The following HNRNPM variants were observed in gnomAD, a reference collection of about 807,000 sequenced individuals.
HNRNPM encodes the protein heterogeneous nuclear ribonucleoprotein M, also known as CEA receptor.
Under a neutral mutation model 73.1 loss-of-function variants are expected in HNRNPM, and 11 were observed. The ratio of observed to expected loss-of-function variants is 0.15; its 90% CI spans 0.09 to 0.25. The LOEUF (loss-of-function observed/expected upper bound fraction) is 0.25, where lower values mean the gene tolerates loss of function less well. Among genes scored for constraint, HNRNPM ranks in the 10% least tolerant of loss-of-function variants. The pLI is 1.00. For synonymous variants in HNRNPM, 407 were observed against 355.2 expected (o/e 1.15, Z -1.64); for missense variants, 789 against 1,067.9 (o/e 0.74, Z 3.64).
rs369412246 is a variant in HNRNPM, at chr19:8,473,016, T to C, written c.998-648T>C. On this transcript the variant is annotated intron_variant, in intron 10 of 15. Transcript: ENST00000325495. ...ACTTGAGGCCTGGTGTGGTGGCTTA[T>C]GCCTGTAATCCCAGCAATTTGGAGG... 6.6e-5 allele frequency among the ~76,000 whole-genome samples: 10 copies of C among 152,286 alleles called. 3 individuals are homozygous for C. Among genetic ancestry groups the C allele is most frequent in the African/African-American group, 2.4e-5 (1 of 41,558 alleles).
At chr19:8,467,613 A>C (rs772675491) in intron 8 of HNRNPM, 29 bp downstream of exon 8, 50 of 1,522,276 alleles carry the variant, frequency 3.3e-5, no homozygotes, top group Non-Finnish European at 3.1e-5. Context: ...TCTCTGTGAT[A>C]TACTCAAGTC....
intron 9 of HNRNPM, among the ~76,000 whole-genome samples, chr19:8,470,055 T>C (rs746246326): frequency 6.6e-6 from 1 of 152,344 alleles, no homozygotes; most frequent in Non-Finnish European, 1.5e-5. Flanking sequence ...CCCTGGACCA[T>C]GGCGATGGCT....
At chr19:8,449,484 A>G (rs768369355) in intron 1 of HNRNPM, among the ~76,000 whole-genome samples, 26 of 152,154 alleles carry the variant, frequency 1.7e-4, no homozygotes, top group Admixed American at 1.2e-3. Context: ...ACCCTTCTCA[A>G]TAAAATTATT....
intron 1 of HNRNPM, among the ~76,000 whole-genome samples, chr19:8,446,968 T>G (rs548322364): frequency 1.8e-4 from 27 of 152,292 alleles, no homozygotes; most frequent in African/African-American, 6.5e-4. Context: ...TGGAGGGCTT[T>G]AAGATAAATT....
chr19:8,463,847 C>A (rs954387895), intron 5 of HNRNPM, 161 bp downstream of exon 5: 15 of 591,452 alleles, frequency 2.5e-5, no homozygotes, highest in Non-Finnish European at 4.5e-5. Flanking sequence ...AGCAGCCATT[C>A]CCTGCAAGGA....
At position 8,465,342 on chromosome 19, in the gene HNRNPM, G is replaced by T. The variant is rs775785053; in HGVS notation, c.457G>T (p.Ala153Ser). Residue 153 changes from alanine to serine, a missense_variant, in exon 6 of 16, where the codon GCC (alanine) becomes TCC (serine). Ala to Ser is a moderately conservative substitution (Grantham distance 99, BLOSUM62 1). This residue lies in a region of HNRNPM where 63 missense variants were observed against 147.4 expected (regional missense o/e 0.43). Transcript: ENST00000325495. ...GTTTTAGGATCCTGATGGTGAACATGCCAGGAGAGCAATGCAAAAGGTGAT... is the reference window on the plus strand; with the variant it reads ...GTTTTAGGATCCTGATGGTGAACATTCCAGGAGAGCAATGCAAAAGGTGAT... ...KVKEDPDGEH[A>S]RRAMQKVMAT... 1 of 1,609,666 alleles carries T rather than the reference G, an allele frequency of 6.2e-7. No individual in the cohort carries two copies. The highest frequency in any genetic ancestry group is 8.5e-7 in the Non-Finnish European group (1 of 1,178,328).
At chr19:8,452,955 C>T (rs1261306921) in intron 1 of HNRNPM, among the ~76,000 whole-genome samples, 1 of 152,066 alleles carries the variant, frequency 6.6e-6, no homozygotes, top group East Asian at 1.9e-4. Context: ...ATCCTCTCAG[C>T]TCAGCCTCCT....
intron 14 of HNRNPM, 29 bp downstream of exon 14, chr19:8,486,434 G>T (rs368317306): frequency 2.6e-6 from 4 of 1,530,598 alleles, no homozygotes; most frequent in African/African-American, 2.8e-5. Flanking sequence ...ACTTCTTGGT[G>T]GTGGTGAGCA....
At chr19:8,479,226 C>T (rs907131832) in intron 12 of HNRNPM, among the ~76,000 whole-genome samples, 4 of 151,512 alleles carry the variant, frequency 2.6e-5, no homozygotes, top group African/African-American at 9.7e-5. Context: ...GCTGGCACTG[C>T]CGCCACCACA....
intron 1 of HNRNPM, among the ~76,000 whole-genome samples, chr19:8,447,025 A>ATAGGGAAAATT (rs1968237877): frequency 6.6e-6 from 1 of 152,182 alleles, no homozygotes; most frequent in African/African-American, 2.4e-5. Flanking sequence ...TTGCTAGATG[A>ATAGGGAAAATT]TAGGGTAAAT....
chr19:8,470,382 C>T (rs557751680), intron 9 of HNRNPM, among the ~76,000 whole-genome samples: 69 of 152,230 alleles, frequency 4.5e-4, no homozygotes, highest in Non-Finnish European at 7.9e-4. Context: ...GGCTGGAGTG[C>T]AGTGGTGCGG....
In HNRNPM at chr19:8,448,025, T is replaced by TCAAA. The variant is rs369080671; in HGVS notation, c.113+2930_113+2933dup. On this transcript the variant is annotated intron_variant, in intron 1 of 15. Transcript: ENST00000325495. ...TGGGCGACAGAGCGATACTCCTTCT[T>TCAAA]CAAACAAACAAACAAACAAGAACAC... 4.7e-3 allele frequency among the ~76,000 whole-genome samples: 722 copies of TCAAA among 152,228 alleles called. 3 individuals carry two copies. Among genetic ancestry groups the TCAAA allele is most frequent in the African/African-American group, 0.016 (654 of 41,532 alleles).
Position 8,445,126 on chromosome 19 carries a change from G to A in HNRNPM, c.113+15G>A. ...GGCCCTAAGGGGTGAGTATCCCACG[G>A]TCCTTTGCCACGGGTAAGGGTTCCT... On this transcript the variant is annotated intron_variant, in intron 1 of 15. Transcript: ENST00000325495. 2 of 1,388,042 alleles carry A rather than the reference G, an allele frequency of 1.4e-6. No individual in the cohort carries two copies. The highest frequency in any genetic ancestry group is 1.9e-6 in the Non-Finnish European group (2 of 1,067,850). 86.0% of individuals were successfully genotyped at this position (1,388,042 alleles called of 1,614,324 possible).
chr19:8,474,806 C>T (rs540436958), intron 12 of HNRNPM, among the ~76,000 whole-genome samples: 19 of 151,954 alleles, frequency 1.3e-4, no homozygotes, highest in South Asian at 2.1e-4. Flanking sequence ...CCTCCGCCTC[C>T]CAGGTTCAAG....
chr19:8,482,203 C>T (rs1043028963), intron 12 of HNRNPM, among the ~76,000 whole-genome samples: 4 of 152,136 alleles, frequency 2.6e-5, no homozygotes, highest in Non-Finnish European at 4.4e-5. Context: ...GTGATCCACC[C>T]GCCTTGGCCT....
chr19:8,460,676 T>C (rs530557784), intron 2 of HNRNPM, among the ~76,000 whole-genome samples: 99 of 152,370 alleles, frequency 6.5e-4, no homozygotes, highest in Admixed American at 2.8e-3. Context: ...AAGCGTCTTA[T>C]GGACACAGAC....
At chr19:8,450,307 G>A (rs969253710) in intron 1 of HNRNPM, among the ~76,000 whole-genome samples, 10 of 152,190 alleles carry the variant, frequency 6.6e-5, no homozygotes, top group African/African-American at 2.4e-4. Context: ...AACTCCAAAA[G>A]TAGTGAGTGT....
chr19:8,452,919 C>CA, intron 1 of HNRNPM, among the ~76,000 whole-genome samples: 1 of 152,216 alleles, frequency 6.6e-6, no homozygotes, highest in Admixed American at 6.5e-5. Flanking sequence ...TAGTTCACTG[C>CA]AATCTTGACC....
At chr19:8,485,527 T>C in intron 13 of HNRNPM, 76 bp from the exon 14 acceptor site, 4 of 1,405,406 alleles carry the variant, frequency 2.8e-6, no homozygotes, top group East Asian at 2.3e-5. Context: ...GCCCATGAGC[T>C]GAAGTGGTCT....
Sources: allele counts gnomAD v4.1 joint callset (sites outside exome capture counted in the v4.1 genomes callset), GRCh38; gene constraint gnomAD v4.1.1; regional missense constraint gnomAD v4.1.1; transcripts MANE v1.5; gene names NCBI Gene and HGNC (gene_info 2026-07-23, HGNC 2026-07-21).